The following AGK variants were observed in gnomAD, a reference collection of about 807,000 sequenced individuals.
The protein encoded by AGK is acylglycerol kinase, mitochondrial.
AGK carries 52 observed loss-of-function variants against 66.4 expected under a neutral mutation model. That is an observed-to-expected ratio of 0.78 (90% CI 0.63 to 0.99). The LOEUF is 0.99. AGK is among the 50% of genes least tolerant of loss of function. The pLI is 0.00. For synonymous variants in AGK, 182 were observed against 181.1 expected (o/e 1.00, Z -0.04); for missense variants, 451 against 506.6 (o/e 0.89, Z 1.05).
intron 9 of AGK, among the ~76,000 whole-genome samples, chr7:141,633,411 CTTT>C (rs1448756246): frequency 1.3e-5 from 2 of 148,228 alleles, no homozygotes; most frequent in African/African-American, 5.3e-5. Flanking sequence ...ATCCAAATCA[CTTT>C]TTATTTCGAC....
At chr7:141,605,200 G>A (rs1452422100) in intron 5 of AGK, among the ~76,000 whole-genome samples, 1 of 152,082 alleles carries the variant, frequency 6.6e-6, no homozygotes, top group Non-Finnish European at 1.5e-5. Context: ...CTAAAGTTAT[G>A]GATTCTCAGG....
intron 2 of AGK, among the ~76,000 whole-genome samples, chr7:141,564,956 A>G (rs57802970): frequency 5.7e-4 from 86 of 152,070 alleles, no homozygotes; most frequent in African/African-American, 1.9e-3. Flanking sequence ...TGAACTCCCA[A>G]CCTCAGGTGA....
intron 5 of AGK, among the ~76,000 whole-genome samples, chr7:141,609,079 C>A (rs1376230715): frequency 6.6e-6 from 1 of 152,130 alleles, no homozygotes; most frequent in Non-Finnish European, 1.5e-5. Flanking sequence ...AACTATTCAT[C>A]CTAAAATTAG....
chr7:141,594,450 CA>C lies in AGK; in HGVS notation c.141+1268del, dbSNP rs532636763. ...TCGTGTTCCACCTGCCTTGGTCTCCCAAAGTGCTGGGATTACAGGTGTGAGC... is the reference window on the plus strand; with the variant it reads ...TCGTGTTCCACCTGCCTTGGTCTCCCAAGTGCTGGGATTACAGGTGTGAGC... On this transcript the variant is annotated intron_variant, in intron 3 of 15. Transcript: ENST00000649286. Among the ~76,000 whole-genome samples the C allele has an allele frequency of 2.8e-4, 43 of 152,246 alleles. No individual in the cohort carries two copies. In the East Asian group the frequency reaches 7.9e-3, roughly 28 times the overall value.
intron 2 of AGK, among the ~76,000 whole-genome samples, chr7:141,567,971 A>T (rs1253021183): frequency 6.6e-6 from 1 of 152,222 alleles, no homozygotes; most frequent in Non-Finnish European, 1.5e-5. Flanking sequence ...TGATTAAGTG[A>T]TATAACTGGA....
chr7:141,554,357 A>T (rs969569024), intron 1 of AGK, among the ~76,000 whole-genome samples: 3 of 151,140 alleles, frequency 2.0e-5, no homozygotes, highest in African/African-American at 4.9e-5. Context: ...AAAAAAAAAA[A>T]TTGTTTTTGT....
intron 2 of AGK, among the ~76,000 whole-genome samples, chr7:141,581,929 G>A (rs1795888762): frequency 6.6e-6 from 1 of 151,988 alleles, no homozygotes; most frequent in Non-Finnish European, 1.5e-5. Context: ...AACAGTTATG[G>A]GGGCAAGGGA....
intron 2 of AGK, among the ~76,000 whole-genome samples, chr7:141,589,869 G>A (rs1224579349): frequency 6.6e-6 from 1 of 152,096 alleles, no homozygotes; most frequent in Non-Finnish European, 1.5e-5. Context: ...CCAAAGTTAA[G>A]TATGATTATA....
chr7:141,559,784 G>A (rs1352006942), intron 2 of AGK, among the ~76,000 whole-genome samples: 1 of 152,032 alleles, frequency 6.6e-6, no homozygotes, highest in Non-Finnish European at 1.5e-5. Context: ...TTTGTTTTTA[G>A]CGTATAAGTC....
rs757462607 is a variant in AGK at position 141,633,898 on chromosome 7, C to T, written c.589-3C>T. The T allele has an allele frequency of 1.2e-6, 2 of 1,612,640 alleles. No homozygotes were observed. The highest frequency in any genetic ancestry group is 1.7e-6 in the Non-Finnish European group (2 of 1,178,794). The stretch of plus-strand genomic sequence containing the variant: ...ATTTAAATGAAATGTATTTAACTTC[C>T]AGGGTGAAAAGGAACAGCCTGTATT... On this transcript the variant is annotated splice_polypyrimidine_tract_variant and splice_region_variant and intron_variant, in intron 9 of 15. Coordinates refer to ENST00000649286, the MANE Select transcript of AGK (RefSeq NM_018238.4).
intron 2 of AGK, among the ~76,000 whole-genome samples, chr7:141,556,136 C>T (rs1795205914): frequency 6.6e-6 from 1 of 152,112 alleles, no homozygotes; most frequent in South Asian, 2.1e-4. Context: ...AGGGAGCTTC[C>T]AGGTCATAGG....
chr7:141,653,883 A>G lies in AGK; in HGVS notation c.*959A>G, dbSNP rs1797625280. On this transcript the variant is annotated 3_prime_UTR_variant, in exon 16 of 16. Coordinates refer to ENST00000649286, the MANE Select transcript of AGK (RefSeq NM_018238.4). ...GTGTAAATATTGGTATTTTAAAATAAAAACTGTTACATCACTATTTTAAAC... is the reference window on the plus strand; with the variant it reads ...GTGTAAATATTGGTATTTTAAAATAGAAACTGTTACATCACTATTTTAAAC... The G allele has an allele frequency of 6.6e-6, 1 of 152,228 alleles. No homozygotes were observed. The allele number at this position is 152,228 out of a possible 1,614,324, so 9.4% of individuals were successfully genotyped here.
intron 8 of AGK, among the ~76,000 whole-genome samples, chr7:141,617,728 A>T (rs1796739459): frequency 6.6e-6 from 1 of 152,240 alleles, no homozygotes; most frequent in Non-Finnish European, 1.5e-5. Flanking sequence ...TAGGAAAAAA[A>T]TTTAATATAA....
In AGK at chr7:141,652,957, T is replaced by G; in HGVS notation, c.*33T>G. The stretch of plus-strand genomic sequence containing the variant: ...AAGACAAGCACTCTGAGACCACACT[T>G]TAGGCCACCGGTGGGACCAAAAGGG... On this transcript the variant is annotated 3_prime_UTR_variant, in exon 16 of 16. Transcript: ENST00000649286. 1 of 1,612,084 alleles carries G rather than the reference T, an allele frequency of 6.2e-7. No individual in the cohort carries two copies. The highest frequency in any genetic ancestry group is 8.5e-7 in the Non-Finnish European group (1 of 1,179,310).
chr7:141,599,372 G>C (rs1396302663), intron 4 of AGK: 4 of 151,944 alleles, frequency 2.6e-5, no homozygotes. Flanking sequence ...TTTAGCCTCG[G>C]TGTTATCTCA....
chr7:141,616,762 CTT>C (rs577318723), intron 8 of AGK, among the ~76,000 whole-genome samples: 7 of 140,158 alleles, frequency 5.0e-5, no homozygotes, highest in Admixed American at 1.4e-4. Context: ...CTTTTTCTTT[CTT>C]TTTTTTTTTT....
intron 9 of AGK, 42 bp downstream of exon 9, chr7:141,621,843 T>C: frequency 2.2e-6 from 3 of 1,393,352 alleles, no homozygotes; most frequent in Non-Finnish European, 2.0e-6. Flanking sequence ...GTGAAAGTAA[T>C]ACTCGCTTAC....
chr7:141,595,421 C>T (rs894373472), intron 3 of AGK, among the ~76,000 whole-genome samples: 2 of 152,082 alleles, frequency 1.3e-5, no homozygotes, highest in Admixed American at 1.3e-4. Flanking sequence ...AAACTTCTTA[C>T]AAAGAAATAG....
At chr7:141,649,077 T>C in intron 13 of AGK, 186 bp from the exon 14 acceptor site, 1 of 418,158 alleles carries the variant, frequency 2.4e-6, no homozygotes, top group Non-Finnish European at 4.1e-6. Context: ...AAATTATACC[T>C]CAGTAAAGCT....
Sources: allele counts gnomAD v4.1 joint callset (sites outside exome capture counted in the v4.1 genomes callset), GRCh38; gene constraint gnomAD v4.1.1; transcripts MANE v1.5; gene names NCBI Gene and HGNC (gene_info 2026-07-23, HGNC 2026-07-21).